Variants in ABCD3 observed in about 807,000 individuals in gnomAD.
ABCD3 encodes the protein ATP binding cassette subfamily D member 3.
A neutral mutation model predicts 105.5 loss-of-function variants in ABCD3; 41 were observed. The ratio of observed to expected loss-of-function variants is 0.39; its 90% CI spans 0.30 to 0.50. The LOEUF (loss-of-function observed/expected upper bound fraction) is 0.50, where lower values mean the gene tolerates loss of function less well. Ranked by LOEUF, ABCD3 falls within the 20% of genes least tolerant of loss-of-function variation. ABCD3 has a pLI of 0.84. For synonymous variants in ABCD3, 258 were observed against 269.0 expected (o/e 0.96, Z 0.40); for missense variants, 622 against 806.3 (o/e 0.77, Z 2.77).
At chr1:94,467,077 G>A (rs1463102344) in intron 3 of ABCD3, among the ~76,000 whole-genome samples, 1 of 152,182 alleles carries the variant, frequency 6.6e-6, no homozygotes, top group Non-Finnish European at 1.5e-5. Flanking sequence ...GTCTTGCACA[G>A]CATTGCTTAA....
chr1:94,436,961 T>G (rs1158057521), intron 1 of ABCD3, among the ~76,000 whole-genome samples: 6 of 152,204 alleles, frequency 3.9e-5, no homozygotes, highest in Non-Finnish European at 8.8e-5. Flanking sequence ...AACATTCCCT[T>G]AAGCTAAAAC....
At chr1:94,468,155 T>G in intron 4 of ABCD3, 148 bp downstream of exon 4, 1 of 721,298 alleles carries the variant, frequency 1.4e-6, no homozygotes, top group South Asian at 1.6e-5. Flanking sequence ...ACTTAAAAAA[T>G]ACTTAGTGTT....
chr1:94,407,826 G>C, the ABCD3 span, among the ~76,000 whole-genome samples: 1 of 152,126 alleles, frequency 6.6e-6, no homozygotes, highest in Non-Finnish European at 1.5e-5. Context: ...ATTTTTAAAT[G>C]GTCAATAAAG....
At chr1:94,437,454 G>A (rs1350759400) in intron 1 of ABCD3, among the ~76,000 whole-genome samples, 1 of 152,176 alleles carries the variant, frequency 6.6e-6, no homozygotes, top group Non-Finnish European at 1.5e-5. Context: ...CTGGATAGCA[G>A]CACGTCTGTT....
At chr1:94,448,464 C>G (rs1660441579) in intron 1 of ABCD3, among the ~76,000 whole-genome samples, 1 of 152,192 alleles carries the variant, frequency 6.6e-6, no homozygotes, top group Non-Finnish European at 1.5e-5. Context: ...ACAGATGGGT[C>G]TAGTAACGGT....
intron 1 of ABCD3, chr1:94,418,927 A>C: frequency 2.7e-6 from 1 of 372,424 alleles, no homozygotes; most frequent in Non-Finnish European, 4.9e-6. Context: ...TCCCTACATC[A>C]CCCCCTTCTG....
intron 1 of ABCD3, among the ~76,000 whole-genome samples, chr1:94,454,796 T>G (rs983532297): frequency 2.0e-5 from 3 of 151,906 alleles, no homozygotes; most frequent in Non-Finnish European, 4.4e-5. Flanking sequence ...GGATTACAGA[T>G]GTACACCACC....
intron 1 of ABCD3, among the ~76,000 whole-genome samples, chr1:94,446,335 A>C (rs1310621713): frequency 2.0e-5 from 3 of 152,196 alleles, no homozygotes; most frequent in Admixed American, 6.6e-5. Context: ...GAACCCCTGC[A>C]AAAGGTCCCA....
At chr1:94,488,849 G>A (rs1358201015) in intron 13 of ABCD3, among the ~76,000 whole-genome samples, 1 of 151,570 alleles carries the variant, frequency 6.6e-6, no homozygotes, top group African/African-American at 2.4e-5. Flanking sequence ...CTCTTTCTGT[G>A]TGGGTGTGTG....
chr1:94,410,396 G>A, the ABCD3 span, among the ~76,000 whole-genome samples: 2 of 152,176 alleles, frequency 1.3e-5, no homozygotes, highest in Non-Finnish European at 2.9e-5. Context: ...TTCACAAGTA[G>A]CAGGATAATT....
chr1:94,419,647 A>G (rs562847400), intron 1 of ABCD3, among the ~76,000 whole-genome samples: 61 of 152,142 alleles, frequency 4.0e-4, no homozygotes, highest in Admixed American at 8.5e-4. Context: ...TTTGCCTACA[A>G]TATCTAATTA....
chr1:94,396,351 AC>A, the ABCD3 span, among the ~76,000 whole-genome samples: 1 of 152,028 alleles, frequency 6.6e-6, no homozygotes, highest in Non-Finnish European at 1.5e-5. Context: ...TTCCCCTTTC[AC>A]CTCTTGGACC....
At chr1:94,387,502 G>A in the ABCD3 span, among the ~76,000 whole-genome samples, 1 of 151,938 alleles carries the variant, frequency 6.6e-6, no homozygotes, top group African/African-American at 2.4e-5. Context: ...TTCCCTTCTT[G>A]ATGGTCTGAA....
chr1:94,479,098 C>T (rs141843273), intron 8 of ABCD3, among the ~76,000 whole-genome samples: 2 of 152,160 alleles, frequency 1.3e-5, no homozygotes, highest in Non-Finnish European at 2.9e-5. Context: ...GTTTTTGTTG[C>T]TTTCCAAAAC....
At position 94,458,640 on chromosome 1, in the gene ABCD3, T is replaced by G. The variant is rs376847188; in HGVS notation, c.144T>G (p.Asn48Lys). Residue 48 changes from asparagine to lysine, a missense_variant, in exon 2 of 23, where the codon AAT becomes AAG. Physicochemically the swap from Asn to Lys is moderately conservative, Grantham distance 94 (BLOSUM62 0). This residue lies in a region of ABCD3 where 89 missense variants were observed against 77.5 expected (regional missense o/e 1.15). Transcript: ENST00000370214. ...KKSGKPPLQN[N>K]EKEGKKERAV... The stretch of plus-strand genomic sequence containing the variant: ...GTGGAAAACCACCATTACAGAACAA[T>G]GAGGTAAAAGTTTAAATCATCTTCT... 16 of 1,611,868 alleles carry G rather than the reference T, an allele frequency of 9.9e-6. No individual in the cohort carries two copies. The highest frequency in any genetic ancestry group is 1.7e-5 in the Admixed American group (1 of 59,966).
At chr1:94,515,818 T>TCCTC (rs534390001) in intron 22 of ABCD3, among the ~76,000 whole-genome samples, 7 of 151,454 alleles carry the variant, frequency 4.6e-5, no homozygotes, top group East Asian at 1.9e-4. Flanking sequence ...TTTTCTTTCC[T>TCCTC]CCTCCCTCCC....
chr1:94,504,779 G>C (rs1258814754), intron 20 of ABCD3, among the ~76,000 whole-genome samples: 1 of 152,152 alleles, frequency 6.6e-6, no homozygotes, highest in African/African-American at 2.4e-5. Context: ...CATGGAGAGT[G>C]GACTGGAGAG....
chr1:94,475,793 T>C (rs1188745891), intron 7 of ABCD3, 56 bp downstream of exon 7: 3 of 1,403,972 alleles, frequency 2.1e-6, no homozygotes, highest in Non-Finnish European at 3.0e-6. Context: ...ATTTTGAATC[T>C]AAGCAAATTT....
intron 16 of ABCD3, 84 bp from the exon 17 acceptor site, chr1:94,498,518 A>C (rs757888621): frequency 1.3e-5 from 17 of 1,359,108 alleles, no homozygotes; most frequent in Middle Eastern, 2.1e-4. Context: ...GGAGCTATTA[A>C]TATTTGAGTC....
Sources: allele counts gnomAD v4.1 joint callset (sites outside exome capture counted in the v4.1 genomes callset), GRCh38; gene constraint gnomAD v4.1.1; regional missense constraint gnomAD v4.1.1; transcripts MANE v1.5; gene names NCBI Gene and HGNC (gene_info 2026-07-23, HGNC 2026-07-21).